The following DSCAM variants were observed in gnomAD, a reference collection of about 807,000 sequenced individuals.
The protein encoded by DSCAM is DS cell adhesion molecule.
In DSCAM, 47 loss-of-function variants were observed where a neutral mutation model predicts 217.7. The observed-to-expected ratio is 0.22, with a 90% confidence interval of 0.17 to 0.28. DSCAM has a LOEUF of 0.28. Among genes scored for constraint, DSCAM ranks in the 10% least tolerant of loss-of-function variants. The pLI, the probability that DSCAM is intolerant of heterozygous loss-of-function variation, is 1.00. For missense variants in DSCAM, 2,080 were observed against 2,618.3 expected (o/e 0.79, Z 4.49); for synonymous variants, 1,056 against 1,015.3 (o/e 1.04, Z -0.76).
intron 16 of DSCAM, 151 bp downstream of exon 16, chr21:40,167,067 T>C (rs2090603091): frequency 1.6e-6 from 1 of 617,602 alleles, no homozygotes; most frequent in Non-Finnish European, 2.8e-6. Flanking sequence ...TGGATACAAA[T>C]ACTGCATTTT....
intron 3 of DSCAM, among the ~76,000 whole-genome samples, chr21:40,533,347 C>T (rs1166836959): frequency 6.6e-6 from 1 of 152,150 alleles, no homozygotes; most frequent in African/African-American, 2.4e-5. Flanking sequence ...TTGTTTCTTT[C>T]TCTGATTTCC....
At chr21:40,809,045 C>T (rs11911375) in intron 1 of DSCAM, among the ~76,000 whole-genome samples, 2,142 of 152,238 alleles carry the variant, frequency 0.014, 41 homozygotes, top group African/African-American at 0.048. Flanking sequence ...TGATGCCCCT[C>T]TTCATTGGAT....
At chr21:40,410,619 A>T (rs1028841610) in intron 3 of DSCAM, among the ~76,000 whole-genome samples, 1 of 152,212 alleles carries the variant, frequency 6.6e-6, no homozygotes, top group Non-Finnish European at 1.5e-5. Context: ...GAAGAAAAAA[A>T]TATCTAAAGG....
chr21:40,751,282 A>C (rs1378651984), intron 1 of DSCAM, among the ~76,000 whole-genome samples: 1 of 152,158 alleles, frequency 6.6e-6, no homozygotes, highest in Non-Finnish European at 1.5e-5. Context: ...TCACTGCTTC[A>C]GTTTCTTTGC....
chr21:40,423,792 A>G (rs996677861), intron 3 of DSCAM, among the ~76,000 whole-genome samples: 1 of 152,130 alleles, frequency 6.6e-6, no homozygotes, highest in Non-Finnish European at 1.5e-5. Context: ...GTGGGCCATG[A>G]TCAGTGATGT....
At chr21:40,403,332 C>G (rs2075254026) in intron 3 of DSCAM, among the ~76,000 whole-genome samples, 2 of 150,578 alleles carry the variant, frequency 1.3e-5, no homozygotes, top group African/African-American at 4.9e-5. Flanking sequence ...AGGTCTCACT[C>G]TGTCACCCAG....
chr21:40,779,299 T>C (rs1037893664), intron 1 of DSCAM, among the ~76,000 whole-genome samples: 1 of 152,172 alleles, frequency 6.6e-6, no homozygotes, highest in Non-Finnish European at 1.5e-5. Flanking sequence ...GACTGACTGA[T>C]GATAAACACA....
intron 3 of DSCAM, among the ~76,000 whole-genome samples, chr21:40,462,414 G>A (rs1601662056): frequency 6.6e-6 from 1 of 152,338 alleles, no homozygotes; most frequent in East Asian, 1.9e-4. Context: ...TAAGCCTGAT[G>A]TGATGCATGC....
At chr21:40,617,346 G>A (rs558336047) in intron 3 of DSCAM, among the ~76,000 whole-genome samples, 4 of 151,974 alleles carry the variant, frequency 2.6e-5, no homozygotes, top group East Asian at 2.0e-4. Context: ...GGATGGTCTC[G>A]ATCTCCTGAC....
intron 30 of DSCAM, among the ~76,000 whole-genome samples, chr21:40,044,874 G>A (rs2088819052): frequency 6.6e-6 from 1 of 152,190 alleles, no homozygotes; most frequent in Non-Finnish European, 1.5e-5. Flanking sequence ...CTTAGGTGTT[G>A]TTATGCGTGA....
At chr21:40,801,519 C>T (rs547510949) in intron 1 of DSCAM, among the ~76,000 whole-genome samples, 2 of 152,272 alleles carry the variant, frequency 1.3e-5, no homozygotes, top group East Asian at 3.9e-4. Flanking sequence ...GATCTTGAGG[C>T]TGCCTCTCTC....
At chr21:40,045,921 C>T (rs2837383) in intron 30 of DSCAM, among the ~76,000 whole-genome samples, 22,314 of 152,150 alleles carry the variant, frequency 0.15, 1,970 homozygotes, top group East Asian at 0.33. Flanking sequence ...TACAATAATC[C>T]CTGACATACA....
intron 10 of DSCAM, among the ~76,000 whole-genome samples, chr21:40,280,848 A>C (rs1401884396): frequency 1.8e-4 from 28 of 152,152 alleles, no homozygotes; most frequent in Admixed American, 1.8e-3. Context: ...CTCAGTCTTA[A>C]CTCTGGGGAA....
intron 1 of DSCAM, among the ~76,000 whole-genome samples, chr21:40,840,106 CACTT>C (rs1322978002): frequency 1.3e-5 from 2 of 152,004 alleles, no homozygotes; most frequent in Non-Finnish European, 2.9e-5. Flanking sequence ...AGCTATAAGA[CACTT>C]AATTTGATTT....
At chr21:40,810,088 C>T (rs2091824881) in intron 1 of DSCAM, among the ~76,000 whole-genome samples, 2 of 152,212 alleles carry the variant, frequency 1.3e-5, no homozygotes, top group Admixed American at 6.5e-5. Context: ...TATGAGATTA[C>T]AGCCCATGTG....
intron 1 of DSCAM, among the ~76,000 whole-genome samples, chr21:40,775,820 A>G (rs1170077775): frequency 2.6e-5 from 4 of 152,152 alleles, no homozygotes; most frequent in Non-Finnish European, 4.4e-5. Flanking sequence ...TGAAAGATGC[A>G]ATTTCTGGAG....
chr21:40,834,972 C>T (rs528616895), intron 1 of DSCAM, among the ~76,000 whole-genome samples: 75 of 152,296 alleles, frequency 4.9e-4, no homozygotes, highest in African/African-American at 1.6e-3. Context: ...ATAAACTTAA[C>T]CTGCCTTGGC....
chr21:40,839,699 G>A (rs1205032567), intron 1 of DSCAM, among the ~76,000 whole-genome samples: 2 of 152,044 alleles, frequency 1.3e-5, no homozygotes, highest in Admixed American at 6.6e-5. Flanking sequence ...GGGGAAGCTA[G>A]CATTTAGTAT....
intron 32 of DSCAM, among the ~76,000 whole-genome samples, chr21:40,033,318 A>C (rs2088565495): frequency 6.6e-6 from 1 of 152,148 alleles, no homozygotes; most frequent in Non-Finnish European, 1.5e-5. Context: ...GTGGGTGTGC[A>C]CACCATGCGC....
Sources: allele counts gnomAD v4.1 joint callset (sites outside exome capture counted in the v4.1 genomes callset), GRCh38; gene constraint gnomAD v4.1.1; transcripts MANE v1.5; gene names NCBI Gene and HGNC (gene_info 2026-07-23, HGNC 2026-07-21).